TENM3: variants seen among roughly 807,000 people sequenced by gnomAD.
TENM3 encodes teneurin-3.
TENM3 carries 63 observed loss-of-function variants against 255.1 expected under a neutral mutation model. The observed-to-expected ratio is 0.25, with a 90% CI of 0.20 to 0.30. The LOEUF is 0.30. Among genes scored for constraint, TENM3 ranks in the 10% least tolerant of loss-of-function variants. The pLI is 1.00. For missense variants in TENM3, 2,929 were observed against 3,461.1 expected (o/e 0.85, Z 3.86); for synonymous variants, 1,306 against 1,322.3 (o/e 0.99, Z 0.27).
chr4:181,475,609 C>T, the TENM3 span, among the ~76,000 whole-genome samples: 3 of 152,036 alleles, frequency 2.0e-5, no homozygotes, highest in Non-Finnish European at 4.4e-5. Context: ...CTTTTTGTGC[C>T]CTTGTCAGTG....
At chr4:181,727,810 T>C in the TENM3 span, among the ~76,000 whole-genome samples, 1 of 152,196 alleles carries the variant, frequency 6.6e-6, no homozygotes, top group Non-Finnish European at 1.5e-5. Flanking sequence ...TATCTCCATG[T>C]TCTAATTAAG....
the TENM3 span, among the ~76,000 whole-genome samples, chr4:182,086,765 C>T: frequency 6.6e-6 from 1 of 152,088 alleles, no homozygotes; most frequent in Non-Finnish European, 1.5e-5. Context: ...TTGGTTTGAG[C>T]AACACTTAGA....
chr4:182,434,849 C>G (rs10866255), intron 3 of TENM3, among the ~76,000 whole-genome samples: 73,564 of 151,740 alleles, frequency 0.48, 18,240 homozygotes, highest in South Asian at 0.6. Context: ...GATGATTGGT[C>G]ATCTTGGCTA....
chr4:181,844,282 T>C, the TENM3 span, among the ~76,000 whole-genome samples: 3 of 152,086 alleles, frequency 2.0e-5, no homozygotes, highest in East Asian at 3.9e-4. Flanking sequence ...ATTCAAACCA[T>C]AGAAAATACG....
At chr4:182,260,893 T>G (rs1007452395) in intron 1 of TENM3, among the ~76,000 whole-genome samples, 2 of 152,114 alleles carry the variant, frequency 1.3e-5, no homozygotes, top group African/African-American at 4.8e-5. Flanking sequence ...TTTTTTTTTC[T>G]GAGTCGGAGA....
the TENM3 span, among the ~76,000 whole-genome samples, chr4:182,134,381 A>G: frequency 6.6e-6 from 1 of 152,142 alleles, no homozygotes; most frequent in Non-Finnish European, 1.5e-5. Context: ...TCCTTCCAGC[A>G]TCCTCTTAGT....
At chr4:181,461,214 G>A in the TENM3 span, among the ~76,000 whole-genome samples, 1 of 151,856 alleles carries the variant, frequency 6.6e-6, no homozygotes, top group Non-Finnish European at 1.5e-5. Flanking sequence ...TTGTCATCCA[G>A]CTTTCATAGC....
chr4:182,531,162 A>G (rs1739741000), intron 3 of TENM3, among the ~76,000 whole-genome samples: 6 of 152,294 alleles, frequency 3.9e-5, no homozygotes, highest in South Asian at 2.1e-4. Context: ...TCAAGAAAGG[A>G]AAGTGTGTCA....
intron 22 of TENM3, among the ~76,000 whole-genome samples, chr4:182,764,136 A>G (rs1440410483): frequency 6.6e-6 from 1 of 152,252 alleles, no homozygotes; most frequent in Non-Finnish European, 1.5e-5. Context: ...TCCATGCTAC[A>G]TTGCAAAGGC....
chr4:181,523,720 A>G, the TENM3 span, among the ~76,000 whole-genome samples: 2 of 152,192 alleles, frequency 1.3e-5, no homozygotes, highest in Non-Finnish European at 2.9e-5. Context: ...AGCTCTAACC[A>G]AGAGGAGAGT....
At chr4:182,267,650 G>A (rs1759327084) in intron 1 of TENM3, among the ~76,000 whole-genome samples, 1 of 151,236 alleles carries the variant, frequency 6.6e-6, no homozygotes, top group Non-Finnish European at 1.5e-5. Context: ...CCATGACTGG[G>A]CTCAGCTTTA....
At chr4:181,779,172 G>C in the TENM3 span, among the ~76,000 whole-genome samples, 1 of 152,096 alleles carries the variant, frequency 6.6e-6, no homozygotes, top group Non-Finnish European at 1.5e-5. Context: ...TGTTTTCACT[G>C]CCTCTAGCCA....
the TENM3 span, among the ~76,000 whole-genome samples, chr4:181,466,291 T>C: frequency 6.6e-6 from 1 of 151,948 alleles, no homozygotes; most frequent in Non-Finnish European, 1.5e-5. Context: ...TTAATTTTTG[T>C]ATTTTTAGTA....
At chr4:182,111,903 G>A in the TENM3 span, among the ~76,000 whole-genome samples, 2 of 152,168 alleles carry the variant, frequency 1.3e-5, no homozygotes, top group African/African-American at 4.8e-5. Flanking sequence ...CAGGCCACAA[G>A]TAACACATTT....
At chr4:182,292,258 C>A (rs554310951) in intron 1 of TENM3, among the ~76,000 whole-genome samples, 88 of 152,262 alleles carry the variant, frequency 5.8e-4, no homozygotes, top group Non-Finnish European at 9.3e-4. Flanking sequence ...AAAAACAGAG[C>A]CATCTCAGAG....
chr4:182,317,308 G>T (rs1762803566), intron 1 of TENM3, among the ~76,000 whole-genome samples: 1 of 151,980 alleles, frequency 6.6e-6, no homozygotes, highest in South Asian at 2.1e-4. Flanking sequence ...TCTTTGTGGG[G>T]TGTTTTTTCG....
At chr4:181,910,606 ATAT>A in the TENM3 span, among the ~76,000 whole-genome samples, 2 of 148,888 alleles carry the variant, frequency 1.3e-5, no homozygotes, top group African/African-American at 5.0e-5. Flanking sequence ...ATATATATAT[ATAT>A]AAATACACGT....
At chr4:181,820,486 A>AACACACAC in the TENM3 span, among the ~76,000 whole-genome samples, 1,182 of 148,158 alleles carry the variant, frequency 8.0e-3, 15 homozygotes, top group African/African-American at 0.024. Flanking sequence ...ATTTTCTTTA[A>AACACACAC]ACACACACAC....
At chr4:181,527,812 T>TC in the TENM3 span, among the ~76,000 whole-genome samples, 522 of 152,118 alleles carry the variant, frequency 3.4e-3, 5 homozygotes, top group African/African-American at 0.012. Flanking sequence ...GTCTTTTTTT[T>TC]CGTTTAATGT....
Sources: gnomAD v4.1 joint callset for allele counts (sites outside exome capture counted in the v4.1 genomes callset) on GRCh38, gnomAD v4.1.1 for gene constraint, MANE v1.5 for transcripts, NCBI Gene and HGNC (gene_info 2026-07-23, HGNC 2026-07-21) for gene names.